CA10: variants seen among roughly 807,000 people sequenced by gnomAD.
CA10 encodes the protein carbonic anhydrase-related protein 10.
A neutral mutation model predicts 44.2 loss-of-function variants in CA10; 14 were observed. That is an observed-to-expected ratio of 0.32 (90% CI 0.21 to 0.50). The LOEUF (loss-of-function observed/expected upper bound fraction) is 0.50. CA10 is among the 20% of genes least tolerant of loss of function. The pLI is 0.99. For missense variants in CA10, 350 were observed against 409.7 expected (o/e 0.85, Z 1.26); for synonymous variants, 159 against 141.6 (o/e 1.12, Z -0.87).
chr17:51,666,553 A>G (rs993972103), intron 4 of CA10, among the ~76,000 whole-genome samples: 2 of 152,254 alleles, frequency 1.3e-5, no homozygotes, highest in South Asian at 2.1e-4. Flanking sequence ...AAATCACATT[A>G]CCAACTGCCT....
chr17:52,080,453 A>AAAATAAAT (rs71357869), intron 1 of CA10, among the ~76,000 whole-genome samples: 61 of 138,024 alleles, frequency 4.4e-4, no homozygotes, highest in East Asian at 1.3e-3. Context: ...CTCCATCTCA[A>AAAATAAAT]AAATAAATAA....
At chr17:51,939,946 C>T (rs112852968) in intron 2 of CA10, among the ~76,000 whole-genome samples, 2 of 151,938 alleles carry the variant, frequency 1.3e-5, no homozygotes, top group Non-Finnish European at 2.9e-5. Flanking sequence ...TGGGTTTTCT[C>T]TCTCATTTAA....
At chr17:52,023,616 A>C (rs1269419189) in intron 2 of CA10, among the ~76,000 whole-genome samples, 1 of 152,100 alleles carries the variant, frequency 6.6e-6, no homozygotes, top group East Asian at 1.9e-4. Flanking sequence ...CAACATTTAC[A>C]AATGGGATGT....
intron 2 of CA10, among the ~76,000 whole-genome samples, chr17:51,984,126 C>A (rs550393795): frequency 5.1e-4 from 78 of 151,766 alleles, no homozygotes; most frequent in African/African-American, 1.4e-3. Flanking sequence ...GCACTCTACC[C>A]TTTCACCAAG....
chr17:51,663,332 T>A (rs1398599219), intron 4 of CA10, among the ~76,000 whole-genome samples: 1 of 151,522 alleles, frequency 6.6e-6, no homozygotes, highest in Non-Finnish European at 1.5e-5. Flanking sequence ...CTGCACGACG[T>A]CTAGATCCTC....
intron 3 of CA10, among the ~76,000 whole-genome samples, chr17:51,835,042 T>C (rs1158385961): frequency 6.6e-6 from 1 of 152,144 alleles, no homozygotes; most frequent in Non-Finnish European, 1.5e-5. Flanking sequence ...ATAGGAAGAA[T>C]ATGAGAGAAT....
chr17:51,955,888 A>C (rs1044354561), intron 2 of CA10, among the ~76,000 whole-genome samples: 3 of 152,044 alleles, frequency 2.0e-5, no homozygotes, highest in African/African-American at 7.2e-5. Flanking sequence ...GCGGGGCTTA[A>C]AACCTAGATG....
chr17:51,950,775 T>A (rs1286045123), intron 2 of CA10, among the ~76,000 whole-genome samples: 2 of 152,172 alleles, frequency 1.3e-5, no homozygotes, highest in Non-Finnish European at 2.9e-5. Context: ...AGACCCTGAA[T>A]GATACAGCAC....
At chr17:51,703,542 G>A (rs1915667632) in intron 4 of CA10, among the ~76,000 whole-genome samples, 1 of 152,080 alleles carries the variant, frequency 6.6e-6, no homozygotes, top group South Asian at 2.1e-4. Flanking sequence ...TAAAATGAGA[G>A]GATGTGTGTC....
At chr17:51,641,156 C>T (rs1913067669) in intron 6 of CA10, among the ~76,000 whole-genome samples, 1 of 75,208 alleles carries the variant, frequency 1.3e-5, no homozygotes, top group Admixed American at 1.3e-4. Flanking sequence ...TCTCAGCTCT[C>T]TCTCTCTCTC....
At chr17:51,782,239 A>C (rs957451) in intron 3 of CA10, among the ~76,000 whole-genome samples, 151,222 of 152,380 alleles carry the variant, frequency 0.99, 75,035 homozygotes, top group East Asian at 1. Context: ...GGAATCACCA[A>C]TCTTTTGTCA....
chr17:51,694,311 G>T (rs751790172), intron 4 of CA10, among the ~76,000 whole-genome samples: 1 of 152,006 alleles, frequency 6.6e-6, no homozygotes, highest in Non-Finnish European at 1.5e-5. Context: ...CAGCTTGCCA[G>T]TATCTGTTGT....
At chr17:51,938,882 G>A (rs994003380) in intron 2 of CA10, among the ~76,000 whole-genome samples, 3 of 151,992 alleles carry the variant, frequency 2.0e-5, no homozygotes, top group Non-Finnish European at 4.4e-5. Flanking sequence ...GACTTTCTAA[G>A]GTCACCTGGC....
intron 2 of CA10, among the ~76,000 whole-genome samples, chr17:52,006,884 AG>A (rs1434627753): frequency 6.6e-6 from 1 of 151,802 alleles, no homozygotes; most frequent in East Asian, 1.9e-4. Context: ...TATTAACTTT[AG>A]CCAGTCGTGC....
intron 3 of CA10, among the ~76,000 whole-genome samples, chr17:51,925,368 C>G (rs1982385298): frequency 6.6e-6 from 1 of 150,494 alleles, no homozygotes; most frequent in African/African-American, 2.4e-5. Flanking sequence ...AAATGTAAAT[C>G]AAAATCACAG....
intron 3 of CA10, among the ~76,000 whole-genome samples, chr17:51,893,977 A>G (rs1465567589): frequency 6.6e-6 from 1 of 152,182 alleles, no homozygotes; most frequent in Non-Finnish European, 1.5e-5. Flanking sequence ...TTGACTATGC[A>G]TGTCTCCAAC....
chr17:51,665,984 T>C (rs1180173234), intron 4 of CA10, among the ~76,000 whole-genome samples: 2 of 152,222 alleles, frequency 1.3e-5, no homozygotes, highest in African/African-American at 4.8e-5. Flanking sequence ...GGCCAAAAAA[T>C]ATGAATGTGC....
At chr17:51,680,565 C>T (rs1479354690) in intron 4 of CA10, among the ~76,000 whole-genome samples, 1 of 152,172 alleles carries the variant, frequency 6.6e-6, no homozygotes, top group African/African-American at 2.4e-5. Flanking sequence ...GACACTCCCG[C>T]ACCCTGTTCC....
At chr17:51,672,474 A>G (rs183095661) in intron 4 of CA10, among the ~76,000 whole-genome samples, 36 of 152,308 alleles carry the variant, frequency 2.4e-4, no homozygotes, top group Non-Finnish European at 3.4e-4. Flanking sequence ...GAGCCTCCCA[A>G]TGAATCCCCT....
Sources: allele counts gnomAD v4.1 joint callset (sites outside exome capture counted in the v4.1 genomes callset), GRCh38; gene constraint gnomAD v4.1.1; transcripts MANE v1.5; gene names NCBI Gene and HGNC (gene_info 2026-07-23, HGNC 2026-07-21).